Variants in CHD1L observed in about 807,000 individuals in gnomAD.
The protein encoded by CHD1L is ATP-dependent chromatin remodeler CHD1L.
Under a neutral mutation model 115.9 loss-of-function variants are expected in CHD1L, and 118 were observed. The observed-to-expected ratio is 1.02, with a 90% CI of 0.88 to 1.19. The LOEUF (loss-of-function observed/expected upper bound fraction) is 1.19. Ranked by LOEUF, CHD1L falls within the 50% of genes most tolerant of loss-of-function variation. CHD1L has a pLI of 0.00. For synonymous variants in CHD1L, 411 were observed against 387.1 expected (o/e 1.06, Z -0.72); for missense variants, 1,179 against 1,065.3 (o/e 1.11, Z -1.49).
At chr1:147,218,706 T>A in the CHD1L span, among the ~76,000 whole-genome samples, 7 of 152,358 alleles carry the variant, frequency 4.6e-5, no homozygotes, top group East Asian at 1.3e-3. Flanking sequence ...TCTTTTAATC[T>A]TCATCCAGTG....
Position 147,286,389 on chromosome 1 carries a change from T to C in CHD1L, c.2110T>C (p.Ser704Pro), listed in dbSNP as rs782114076. The change falls in exon 18 of 23, where the codon TCT becomes CCT. Residue 704 changes from serine (S) to proline (P), a missense_variant. Coordinates refer to ENST00000369258, the MANE Select transcript of CHD1L (RefSeq NM_004284.6). ...PEDLENGEESSAELDYQDPDA... is the reference protein window; with the variant it reads ...PEDLENGEESPAELDYQDPDA... ...GGACCTTGAGAATGGGGAAGAGAGC[T>C]CTGCTGAGCTGGATTACCAAGACCC... The C allele has an allele frequency of 6.8e-6, 11 of 1,614,148 alleles. No homozygotes were observed. The highest frequency in any genetic ancestry group is 7.6e-6 in the Non-Finnish European group (9 of 1,180,006).
chr1:147,186,578 T>C, the CHD1L span: 11 of 1,038,066 alleles, frequency 1.1e-5, no homozygotes, highest in Non-Finnish European at 1.3e-5. Context: ...TAAAATTTGA[T>C]AAACAACAAA....
At chr1:147,242,641 G>A, upstream of CHD1L, 1 of 1,250,068 alleles carries the variant, frequency 8.0e-7, no homozygotes, top group Non-Finnish European at 1.0e-6. Context: ...GCGCCCCCGC[G>A]CGTTGGGAAG....
chr1:147,278,372 G>A (rs1422121896), intron 14 of CHD1L, among the ~76,000 whole-genome samples: 7 of 151,306 alleles, frequency 4.6e-5, no homozygotes, highest in African/African-American at 1.5e-4. Context: ...CTACAGGCGC[G>A]CACCACCACG....
the CHD1L span, chr1:147,184,361 T>C: frequency 2.0e-6 from 2 of 983,980 alleles, no homozygotes; most frequent in Non-Finnish European, 1.4e-6. This position sits in a 1 kb window ranked among gnomAD's most constrained non-coding sequence, Gnocchi z 4.4. Flanking sequence ...GGTACATTTG[T>C]CACAACTAAT....
In CHD1L at chr1:147,291,302, A is replaced by C. The variant is rs6665723; in HGVS notation, c.2321-180A>C. On this transcript the variant is annotated intron_variant, in intron 19 of 22. Transcript: ENST00000369258. ...TTAAATTAGGAGATCATAAAAATTC[A>C]GGAGTGAAGCAGGTGAGTACCCAGC... Among the ~76,000 whole-genome samples the C allele has an allele frequency of 0.24, 36,597 of 151,908 alleles. 4,745 individuals are homozygous for C. The highest frequency in any genetic ancestry group is 0.29 in the Non-Finnish European group (19,790 of 67,882).
chr1:147,204,767 C>A, the CHD1L span: 2 of 1,559,682 alleles, frequency 1.3e-6, no homozygotes, highest in East Asian at 4.5e-5. Context: ...TGGTTGATAA[C>A]CATTTTTTTC....
chr1:147,259,807 A>G, intron 5 of CHD1L, 30 bp from the exon 6 acceptor site: 1 of 1,584,770 alleles, frequency 6.3e-7, no homozygotes, highest in African/African-American at 1.4e-5. Flanking sequence ...TAAATTACAC[A>G]AAACTGAAAG....
At chr1:147,234,308 C>T in the CHD1L span, among the ~76,000 whole-genome samples, 5 of 152,140 alleles carry the variant, frequency 3.3e-5, no homozygotes, top group African/African-American at 9.7e-5. Flanking sequence ...TTGACTCTAC[C>T]GGACTTTGTC....
At chr1:147,187,234 C>A in the CHD1L span, 1 of 1,604,256 alleles carries the variant, frequency 6.2e-7, no homozygotes, top group Non-Finnish European at 8.5e-7. Context: ...ATGGCGTTGG[C>A]TCTCCACATA....
chr1:147,234,715 TTCA>T, the CHD1L span, among the ~76,000 whole-genome samples: 1 of 152,238 alleles, frequency 6.6e-6, no homozygotes, highest in African/African-American at 2.4e-5. Flanking sequence ...TTCATAAACG[TTCA>T]TCAAGATGGG....
the CHD1L span, among the ~76,000 whole-genome samples, chr1:147,194,685 T>C: frequency 6.6e-6 from 1 of 152,108 alleles, no homozygotes; most frequent in Non-Finnish European, 1.5e-5. Context: ...CTTCAGGAGC[T>C]CTTTTAGAGC....
upstream of CHD1L, among the ~76,000 whole-genome samples, chr1:147,237,891 A>G (rs1664635169): frequency 6.6e-6 from 1 of 152,190 alleles, no homozygotes; most frequent in South Asian, 2.1e-4. Flanking sequence ...GCAAATTTTG[A>G]TGCCTACAAT....
intron 19 of CHD1L, among the ~76,000 whole-genome samples, chr1:147,290,333 C>T (rs1399966381): frequency 1.3e-5 from 2 of 152,106 alleles, no homozygotes; most frequent in Non-Finnish European, 2.9e-5. Flanking sequence ...GGTCCACCTC[C>T]CTCAGCTTCT....
intron 19 of CHD1L, 21 bp downstream of exon 19, chr1:147,287,754 AAAGGTT>A (rs782469607): frequency 8.1e-6 from 13 of 1,602,392 alleles, no homozygotes; most frequent in Admixed American, 1.7e-5. Flanking sequence ...AAGCAGAGGG[AAAGGTT>A]AAGGGTGGAA....
the CHD1L span, chr1:147,224,811 A>G: frequency 1.4e-4 from 195 of 1,409,316 alleles, no homozygotes; most frequent in Non-Finnish European, 1.9e-4. Context: ...GCGCCCGGCC[A>G]CCTGACACTG....
the CHD1L span, among the ~76,000 whole-genome samples, chr1:147,200,819 T>G: frequency 2.6e-5 from 4 of 152,204 alleles, no homozygotes; most frequent in African/African-American, 9.7e-5. Context: ...AAAATCTAGA[T>G]GAGTAAATTC....
the CHD1L span, among the ~76,000 whole-genome samples, chr1:147,202,348 CT>C: frequency 1 from 133,281 of 133,352 alleles, 66,605 homozygotes; most frequent in East Asian, 1. Context: ...GACAGAGTCT[CT>C]ACTTCTTTTG....
rs782310610 is a variant in CHD1L, at chr1:147,272,203, AGAG to A, written c.1196_1198del (p.Gly399del). 4.0e-5 allele frequency: 64 copies of A among 1,614,000 alleles called. No homozygotes were observed. The highest frequency in any genetic ancestry group is 5.0e-5 in the Non-Finnish European group (59 of 1,180,000). ...CTATGAGCGTGTGGATGGTTCTGTG[AGAG>A]GAGAAGAGAGACACTTGGCCATTAA... On this transcript the variant is annotated inframe_deletion, in exon 12 of 23. Transcript: ENST00000369258.
Sources: gnomAD v4.1 joint callset for allele counts (sites outside exome capture counted in the v4.1 genomes callset) on GRCh38, gnomAD v4.1.1 for gene constraint, Gnocchi (gnomAD v3.1) non-coding constraint, MANE v1.5 for transcripts, NCBI Gene and HGNC (gene_info 2026-07-23, HGNC 2026-07-21) for gene names.